DLC1: variants seen among roughly 807,000 people sequenced by gnomAD.
DLC1 encodes the protein DLC1 Rho GTPase activating protein.
DLC1 carries 54 observed loss-of-function variants against 140.3 expected under a neutral mutation model. The ratio of observed to expected loss-of-function variants is 0.38; its 90% confidence interval spans 0.31 to 0.48. The LOEUF (loss-of-function observed/expected upper bound fraction) is 0.48, where lower values mean the gene tolerates loss of function less well. DLC1 is among the 20% of genes least tolerant of loss of function. The pLI is 0.96. For missense variants in DLC1, 2,536 were observed against 1,907.0 expected (o/e 1.33, Z -6.14); for synonymous variants, 986 against 728.1 (o/e 1.35, Z -5.70).
At chr8:13,388,357 T>G (rs1836611361) in intron 4 of DLC1, among the ~76,000 whole-genome samples, 1 of 152,088 alleles carries the variant, frequency 6.6e-6, no homozygotes, top group South Asian at 2.1e-4. Context: ...GCTTTTCTGT[T>G]TTGAAACTAT....
chr8:13,287,563 C>A (rs531778387), intron 5 of DLC1, among the ~76,000 whole-genome samples: 1 of 152,158 alleles, frequency 6.6e-6, no homozygotes, highest in East Asian at 1.9e-4. Flanking sequence ...CTGAATTAAA[C>A]CCTTGTTGGT....
At chr8:13,575,505 A>ACC (rs145360240) in intron 1 of DLC1, among the ~76,000 whole-genome samples, 18,709 of 152,086 alleles carry the variant, frequency 0.12, 1,370 homozygotes, top group Middle Eastern at 0.2. Flanking sequence ...TGCCACACCA[A>ACC]ATAAGGGAGC....
chr8:13,242,840 A>G (rs533508671), intron 5 of DLC1, among the ~76,000 whole-genome samples: 1 of 152,070 alleles, frequency 6.6e-6, no homozygotes, highest in African/African-American at 2.4e-5. Context: ...TAACATTTTT[A>G]GCAATTTTTT....
intron 5 of DLC1, chr8:13,276,438 GA>G: frequency 7.0e-7 from 1 of 1,425,636 alleles, no homozygotes; most frequent in Non-Finnish European, 9.1e-7. Flanking sequence ...CGGGCGCCGC[GA>G]CCATGCCTCG....
chr8:13,183,630 G>C (rs143507081), intron 5 of DLC1, among the ~76,000 whole-genome samples: 2 of 152,198 alleles, frequency 1.3e-5, no homozygotes, highest in East Asian at 3.9e-4. Flanking sequence ...ATTGATTTGC[G>C]TATGTTGAAC....
intron 2 of DLC1, among the ~76,000 whole-genome samples, chr8:13,402,936 A>T (rs1414049152): frequency 6.6e-6 from 1 of 152,218 alleles, no homozygotes; most frequent in Non-Finnish European, 1.5e-5. Context: ...TTACACAGGT[A>T]TTATCTTTCA....
At chr8:13,475,067 C>T (rs1032424276) in intron 2 of DLC1, among the ~76,000 whole-genome samples, 6 of 151,886 alleles carry the variant, frequency 4.0e-5, no homozygotes, top group Non-Finnish European at 7.4e-5. Context: ...TCCACTTCAG[C>T]CTCCCTAAGT....
In DLC1 at chr8:13,430,052, A is replaced by C. The variant is rs1410223083; in HGVS notation, c.1024-28433T>G. Among the ~76,000 whole-genome samples, 5 of 152,334 alleles carry C rather than the reference A, an allele frequency of 3.3e-5. No individual in the cohort carries two copies. The South Asian group carries it at 8.3e-4, about 25-fold the overall frequency. ...TAAAAAATTATGGTACCTAGGCCAC[A>C]CCCTGGAACAATTATAGTATTCAGA... On this transcript the variant is annotated intron_variant, in intron 2 of 17. Coordinates refer to ENST00000276297, the MANE Select transcript of DLC1 (RefSeq NM_182643.3).
chr8:13,567,743 T>C, intron 1 of DLC1: 2 of 1,552,076 alleles, frequency 1.3e-6, no homozygotes, highest in Non-Finnish European at 1.7e-6. Flanking sequence ...CATCAAGACT[T>C]TCCCAGGCTT....
rs182128813 is a variant in DLC1 at position 13,555,518 on chromosome 8, G to C, written c.-126+49019C>G. On this transcript the variant is annotated intron_variant, in intron 1 of 1. Coordinates refer to the DLC1 transcript ENST00000631382. ...AAATTTTTTATTTTTTTGAGACGGA[G>C]TCTCACTCTGTTGCCCAGGCTGGAG... Among the ~76,000 whole-genome samples, 388 of 152,176 alleles carry C rather than the reference G, an allele frequency of 2.5e-3. 2 individuals are homozygous for C. Among genetic ancestry groups the C allele is most frequent in the African/African-American group, 8.8e-3 (366 of 41,520 alleles).
At chr8:13,164,328 A>ATCTATCTATCTG (rs1554456662) in intron 5 of DLC1, among the ~76,000 whole-genome samples, 3 of 147,110 alleles carry the variant, frequency 2.0e-5, no homozygotes, top group African/African-American at 7.7e-5. Flanking sequence ...CTATCTATCT[A>ATCTATCTATCTG]TCTGTCTGTC....
At chr8:13,418,460 A>G (rs1838171201) in intron 2 of DLC1, among the ~76,000 whole-genome samples, 1 of 152,194 alleles carries the variant, frequency 6.6e-6, no homozygotes, top group East Asian at 1.9e-4. Context: ...AGCACCATTT[A>G]TTAAATAGGG....
intron 5 of DLC1, among the ~76,000 whole-genome samples, chr8:13,165,935 C>A (rs1038622494): frequency 6.6e-6 from 1 of 152,130 alleles, no homozygotes; most frequent in African/African-American, 2.4e-5. Flanking sequence ...AATCCAGGGT[C>A]ACTGATATGA....
chr8:13,437,546 C>T (rs1839178824), intron 2 of DLC1, among the ~76,000 whole-genome samples: 1 of 152,212 alleles, frequency 6.6e-6, no homozygotes, highest in African/African-American at 2.4e-5. Context: ...TGTCTTTCAA[C>T]ATATCACGTC....
chr8:13,124,502 T>C (rs954891986), intron 5 of DLC1, among the ~76,000 whole-genome samples: 4 of 152,178 alleles, frequency 2.6e-5, no homozygotes, highest in African/African-American at 9.7e-5. Context: ...CTGAGCCTGG[T>C]TATACAATGA....
At chr8:13,601,771 T>G (rs1213391583) in intron 1 of DLC1, among the ~76,000 whole-genome samples, 2 of 151,796 alleles carry the variant, frequency 1.3e-5, no homozygotes, top group Non-Finnish European at 2.9e-5. Context: ...ATATATAATT[T>G]CAAATTCTAG....
intron 6 of DLC1, among the ~76,000 whole-genome samples, chr8:13,114,803 T>A (rs1820411378): frequency 6.6e-6 from 1 of 152,204 alleles, no homozygotes; most frequent in Admixed American, 6.5e-5. Flanking sequence ...AATCTCTATA[T>A]CATTTTATAT....
intron 1 of DLC1, among the ~76,000 whole-genome samples, chr8:13,583,600 A>G (rs1170367383): frequency 6.6e-6 from 1 of 152,256 alleles, no homozygotes; most frequent in Non-Finnish European, 1.5e-5. Flanking sequence ...TAGGCACAAT[A>G]AAGTGAAGCA....
intron 1 of DLC1, among the ~76,000 whole-genome samples, chr8:13,601,998 A>G (rs1165142307): frequency 6.6e-6 from 1 of 151,858 alleles, no homozygotes; most frequent in Non-Finnish European, 1.5e-5. Context: ...CCAACGTCAT[A>G]AAAAGGAAAA....
Sources: allele counts gnomAD v4.1 joint callset (sites outside exome capture counted in the v4.1 genomes callset), GRCh38; gene constraint gnomAD v4.1.1; transcripts MANE v1.5; gene names NCBI Gene and HGNC (gene_info 2026-07-23, HGNC 2026-07-21).